The following ANKRD26 variants were observed in gnomAD, a reference collection of about 807,000 sequenced individuals.
ANKRD26 encodes the protein ankyrin repeat domain 26.
ANKRD26 carries 141 observed loss-of-function variants against 208.7 expected under a neutral mutation model. The observed-to-expected ratio is 0.68, with a 90% CI of 0.59 to 0.78. ANKRD26 has a LOEUF of 0.78. Among genes scored for constraint, ANKRD26 ranks in the 30% least tolerant of loss-of-function variants. The pLI, the probability that ANKRD26 is intolerant of heterozygous loss-of-function variation, is 0.00. For synonymous variants in ANKRD26, 636 were observed against 660.4 expected (o/e 0.96, Z 0.57); for missense variants, 1,889 against 1,938.7 (o/e 0.97, Z 0.48).
At chr10:26,985,423 C>A (rs1049171478) in intron 3 of ANKRD26, among the ~76,000 whole-genome samples, 1 of 152,174 alleles carries the variant, frequency 6.6e-6, no homozygotes, top group Non-Finnish European at 1.5e-5. Context: ...CATCATATTT[C>A]GCTTTCCAGT....
chr10:27,020,334 A>G (rs144945590), intron 29 of ANKRD26, among the ~76,000 whole-genome samples: 51 of 152,282 alleles, frequency 3.3e-4, no homozygotes, highest in Middle Eastern at 3.4e-3. Context: ...ATACACAATA[A>G]ATTATATTTA....
intron 4 of ANKRD26, among the ~76,000 whole-genome samples, 159 bp from the exon 5 acceptor site, chr10:27,086,768 G>GTTTTTTTTTTTTTT (rs36035101): frequency 1.0e-5 from 1 of 97,016 alleles, no homozygotes; most frequent in Non-Finnish European, 2.0e-5. Flanking sequence ...AAACTTTTTT[G>GTTTTTTTTTTTTTT]TTTTTTTTTT....
At chr10:26,974,072 C>T (rs185906303) in exon 6 of ANKRD26, among the ~76,000 whole-genome samples, 7 of 151,930 alleles carry the variant, frequency 4.6e-5, no homozygotes, top group Admixed American at 3.9e-4. Context: ...ATACTCTATT[C>T]TACTCTTTTA....
At chr10:26,989,376 C>G (rs1011306241), downstream of ANKRD26, among the ~76,000 whole-genome samples, 1 of 152,088 alleles carries the variant, frequency 6.6e-6, no homozygotes, top group East Asian at 1.9e-4. Flanking sequence ...ATTGTCAAGA[C>G]TTTTTAAAAT....
intron 5 of ANKRD26, among the ~76,000 whole-genome samples, chr10:26,979,922 A>G (rs1360628665): frequency 1.9e-5 from 2 of 104,398 alleles, no homozygotes; most frequent in African/African-American, 7.4e-5. Context: ...TAACTCTGGC[A>G]GTCTTTTGTT....
chr10:27,021,360 T>G (rs917559394), intron 29 of ANKRD26, among the ~76,000 whole-genome samples: 2 of 152,218 alleles, frequency 1.3e-5, no homozygotes, highest in Non-Finnish European at 1.5e-5. Flanking sequence ...CTGAAGAAAC[T>G]CCACATTGTT....
intron 29 of ANKRD26, among the ~76,000 whole-genome samples, chr10:27,020,897 G>C (rs1240643418): frequency 6.6e-6 from 1 of 152,046 alleles, no homozygotes; most frequent in East Asian, 1.9e-4. Flanking sequence ...CCTGACTTCA[G>C]GTGATCAGCC....
rs2054333421 is a variant in ANKRD26, at chr10:27,043,486, G to T, written c.2101C>A (p.Pro701Thr). The change falls in exon 20 of 34, where the codon CCC becomes ACC. Residue 701 changes from proline (P) to threonine (T), a missense_variant. Pro to Thr is a conservative substitution (Grantham distance 38, BLOSUM62 -1). Transcript: ENST00000376087. The part of the protein sequence containing the change: ...SETASEDCEL[P>T]HSSYKNFMLL... ...ATAAAATTCTTGTAACTAGAGTGGG[G>T]TAGCTCACAATCCTCTGAGGCTGTT... 6.2e-7 allele frequency: 1 copy of T among 1,613,948 alleles called. No individual in the cohort carries two copies. Among genetic ancestry groups the T allele is most frequent in the African/African-American group, 1.3e-5 (1 of 75,028 alleles).
rs372496905 is a variant in ANKRD26, at chr10:27,048,843, T to C, written c.1772A>G (p.Asp591Gly). The change falls in exon 17 of 34, where the codon GAT (aspartate) becomes GGT (glycine). Residue 591 changes from aspartate to glycine, a missense_variant. Physicochemically the swap from Asp to Gly is moderately conservative, Grantham distance 94. Coordinates refer to ENST00000376087, the MANE Select transcript of ANKRD26 (RefSeq NM_014915.3). ...LIQKRKSGETDHQQFPRKENK... is the reference protein window; with the variant it reads ...LIQKRKSGETGHQQFPRKENK... ...TTCCTTCCTGGGAAATTGCTGATGA[T>C]CAGTTTCTCCACTCTTTCTTTTTTG... The C allele has an allele frequency of 1.1e-5, 18 of 1,613,186 alleles. No homozygotes were observed. The African/African-American group carries it at 2.4e-4, about 22-fold the overall frequency.
intron 27 of ANKRD26, among the ~76,000 whole-genome samples, chr10:27,024,847 G>A (rs1013411583): frequency 1.3e-5 from 2 of 152,038 alleles, no homozygotes; most frequent in Admixed American, 6.6e-5. Context: ...TTAGATGTAC[G>A]TTCTCATTTC....
intron 15 of ANKRD26, among the ~76,000 whole-genome samples, chr10:27,056,305 G>A (rs2054837450): frequency 6.6e-6 from 1 of 151,938 alleles, no homozygotes; most frequent in Admixed American, 6.6e-5. Flanking sequence ...AGCCTCCTGA[G>A]CAGCTGGGAT....
chr10:27,067,201 T>C lies in ANKRD26; in HGVS notation c.1163A>G (p.Asp388Gly). The C allele has an allele frequency of 6.2e-7, 1 of 1,613,836 alleles. No homozygotes were observed. The highest frequency in any genetic ancestry group is 8.5e-7 in the Non-Finnish European group (1 of 1,179,774). Residue 388 changes from aspartate to glycine, a missense_variant, in exon 10 of 34, where the codon GAC becomes GGC. This residue lies in a region of ANKRD26 where 1,272 missense variants were observed against 1,273.8 expected (regional missense o/e 1.00). Transcript: ENST00000376087. ...ESAPLEQTNN[D>G]NLTYVDEVHK... ...CACTTCATCAACATAAGTCAAATTG[T>C]CATTATTTGTTTGCTCTAGTGGAGC... is the stretch of plus-strand genomic sequence containing the variant.
rs752323868 is a variant in ANKRD26 at position 27,064,020 on chromosome 10, T to C, written c.1331A>G (p.Lys444Arg). The C allele has an allele frequency of 1.9e-6, 3 of 1,611,434 alleles. No homozygotes were observed. The highest frequency in any genetic ancestry group is 1.7e-5 in the Admixed American group (1 of 59,996). Residue 444 changes from lysine (K) to arginine (R), a missense_variant, in exon 12 of 34, where the codon AAA (lysine) becomes AGA (arginine). Transcript: ENST00000376087. ...VDPLAGAADG[K>R]EKNIGNEQAE... ...TTGTTCATTTCCTATATTTTTTTCT[T>C]TTCCGTCTGCAGCCCCAGCTAAAGG...
chr10:27,085,661 C>T (rs2135667916), intron 5 of ANKRD26, among the ~76,000 whole-genome samples: 1 of 152,212 alleles, frequency 6.6e-6, no homozygotes, highest in South Asian at 2.1e-4. Context: ...TTGAGTTCCC[C>T]CTTTTAAAGA....
exon 6 of ANKRD26, among the ~76,000 whole-genome samples, chr10:26,974,341 AT>A (rs5783993): frequency 0.4 from 51,965 of 128,928 alleles, 9,029 homozygotes; most frequent in South Asian, 0.48. Context: ...TTACTTCTGC[AT>A]TTTTTTTTTT....
chr10:27,021,080 C>T (rs2053471601), intron 29 of ANKRD26, among the ~76,000 whole-genome samples: 1 of 152,184 alleles, frequency 6.6e-6, no homozygotes, highest in Admixed American at 6.5e-5. Flanking sequence ...GATCCTGTCA[C>T]CCAGATTCTG....
intron 4 of ANKRD26, chr10:27,088,473 C>CTTAG (rs2135695267): frequency 6.6e-6 from 1 of 152,326 alleles, no homozygotes; most frequent in South Asian, 2.1e-4. Context: ...ATGGAACAGG[C>CTTAG]TTAGCTCTGT....
At chr10:26,986,235 G>C (rs2052384894) in intron 3 of ANKRD26, among the ~76,000 whole-genome samples, 1 of 152,144 alleles carries the variant, frequency 6.6e-6, no homozygotes, top group Non-Finnish European at 1.5e-5. Flanking sequence ...TATGTAGAAA[G>C]CTGAAACTGG....
intron 23 of ANKRD26, 30 bp downstream of exon 23, chr10:27,037,156 T>C: frequency 6.2e-7 from 1 of 1,607,238 alleles, no homozygotes; most frequent in Non-Finnish European, 8.5e-7. Flanking sequence ...TACACACATA[T>C]TTGAAAATGA....
Sources: gnomAD v4.1 joint callset for allele counts (sites outside exome capture counted in the v4.1 genomes callset) on GRCh38, gnomAD v4.1.1 for gene constraint, gnomAD v4.1.1 regional missense constraint, MANE v1.5 for transcripts, NCBI Gene and HGNC (gene_info 2026-07-23, HGNC 2026-07-21) for gene names.